The following GNAS variants were observed in gnomAD, a reference collection of about 807,000 sequenced individuals.
The protein encoded by GNAS is protein ALEX.
Under a neutral mutation model 54.5 loss-of-function variants are expected in GNAS, and 8 were observed. The ratio of observed to expected loss-of-function variants is 0.15; its 90% confidence interval spans 0.09 to 0.26. The LOEUF is 0.26. GNAS is among the 10% of genes least tolerant of loss of function. The probability of loss-of-function intolerance (pLI) is 1.00; values close to 1 mark genes in which losing one functional copy is unlikely to be tolerated. For synonymous variants in GNAS, 204 were observed against 191.4 expected (o/e 1.07, Z -0.54); for missense variants, 170 against 529.8 (o/e 0.32, Z 6.67).
At chr20:58,901,110 G>A (rs937583899) in intron 3 of GNAS, among the ~76,000 whole-genome samples, 1 of 152,132 alleles carries the variant, frequency 6.6e-6, no homozygotes, top group Non-Finnish European at 1.5e-5. Context: ...TACTATTGTG[G>A]AACCTCAAAA....
At chr20:58,876,268 C>T (rs958125088) in intron 1 of GNAS, among the ~76,000 whole-genome samples, 2 of 152,142 alleles carry the variant, frequency 1.3e-5, no homozygotes, top group African/African-American at 2.4e-5. Context: ...TCCTAACACT[C>T]GAGTTTCCTT....
Position 58,891,523 on chromosome 20 carries a change from T to G in GNAS, c.-204T>G, listed in dbSNP as rs3207520. On this transcript the variant is annotated 5_prime_UTR_variant, in exon 1 of 13. Transcript: ENST00000371085. ...GCGGGGAGCTGCGCGCGCCCCTCGG[T>G]CCGACCGACACCCTCCCCTTCCCGC... The G allele has an allele frequency of 1.0e-6, 1 of 974,166 alleles. No individual in the cohort carries two copies. Among genetic ancestry groups the G allele is most frequent in the Non-Finnish European group, 1.2e-6 (1 of 824,112 alleles). 60.3% of individuals were successfully genotyped at this position (974,166 alleles called of 1,614,324 possible). A position where few individuals can be genotyped will look rare whatever the true frequency, so the allele number is the denominator to read the frequency against.
In GNAS at chr20:58,853,208, G is replaced by A. The variant is rs544182317; in HGVS notation, c.43+12322G>A. 24 of 1,479,908 alleles carry A rather than the reference G, an allele frequency of 1.6e-5. No individual in the cohort carries two copies. The Middle Eastern group carries it at 1.1e-3, about 65-fold the overall frequency. 91.7% of individuals were successfully genotyped at this position (1,479,908 alleles called of 1,614,324 possible). ...AATAATAATTTTTTCACCCTAGTTC[G>A]GTTGGGTGCTCCATCTTACGGAGCC... On this transcript the variant is annotated intron_variant, in intron 1 of 12. Transcript: ENST00000306090. This position sits in a 1 kb window ranked among gnomAD's most constrained non-coding sequence, Gnocchi z 4.4.
At chr20:58,892,043 C>T in intron 1 of GNAS, 178 bp downstream of exon 1, 1 of 896,220 alleles carries the variant, frequency 1.1e-6, no homozygotes, top group Non-Finnish European at 1.3e-6. Context: ...GCGGATTCGG[C>T]CGGGCGGGGG....
chr20:58,908,493 G>C (rs774500725), intron 6 of GNAS, among the ~76,000 whole-genome samples: 2 of 151,880 alleles, frequency 1.3e-5, no homozygotes, highest in Admixed American at 6.6e-5. Flanking sequence ...AAAGTAAAAA[G>C]GAAGGGATAC....
At position 58,910,632 on chromosome 20, in the gene GNAS, G is replaced by C. The variant is rs753670057; in HGVS notation, c.1039-51G>C. The C allele has an allele frequency of 2.0e-5, 32 of 1,608,734 alleles. No homozygotes were observed. Among genetic ancestry groups the C allele is most frequent in the Middle Eastern group, 3.3e-4 (2 of 6,014 alleles). On this transcript the variant is annotated intron_variant, in intron 12 of 12. Transcript: ENST00000371085. This position sits in a 1 kb window ranked among gnomAD's most constrained non-coding sequence, Gnocchi z 5.8. The stretch of plus-strand genomic sequence containing the variant: ...GGTAGGTGTCCCCATCAGGGATAGG[G>C]TGGTTCCTGGCGAGGGTGTCACTGA...
intron 1 of GNAS, among the ~76,000 whole-genome samples, chr20:58,864,928 G>GACACACACAC (rs144642876): frequency 0.013 from 1,812 of 138,888 alleles, 11 homozygotes; most frequent in South Asian, 0.028. Context: ...CTACCTACCA[G>GACACACACAC]ACACACACAC....
intron 1 of GNAS, chr20:58,855,056 T>TCGC (rs1490315574): frequency 6.2e-7 from 1 of 1,612,902 alleles, no homozygotes; most frequent in African/African-American, 1.3e-5. Flanking sequence ...ATCGGCGAAA[T>TCGC]CGCCGCCGCC....
chr20:58,868,022 C>CTTTTTTT (rs370255144), intron 1 of GNAS, among the ~76,000 whole-genome samples: 1 of 132,616 alleles, frequency 7.5e-6, no homozygotes, highest in African/African-American at 2.9e-5. Context: ...TTCTTTCTTT[C>CTTTTTTT]TTTTTTTTTT....
chr20:58,892,365 A>C, intron 1 of GNAS: 2 of 103,914 alleles, frequency 1.9e-5, no homozygotes, highest in Non-Finnish European at 3.6e-5. Context: ...AGGGGAAGAA[A>C]GGGGCGAGGA....
At chr20:58,885,695 T>C (rs1342720701) in intron 1 of GNAS, among the ~76,000 whole-genome samples, 1 of 152,226 alleles carries the variant, frequency 6.6e-6, no homozygotes, top group Non-Finnish European at 1.5e-5. Context: ...AGAGCCTTCT[T>C]ACAAGGATTA....
Position 58,841,573 on chromosome 20 carries a change from C to T in GNAS, c.43+687C>T. ...GGCCGCCACAGCCCGCCTCCCGTCG[C>T]TCGCGGGACAGAGACCGCCTCAAAG... is the stretch of plus-strand genomic sequence containing the variant. On this transcript the variant is annotated intron_variant, in intron 1 of 12. Coordinates refer to the GNAS transcript ENST00000306090. The surrounding 1 kb of genome is among the most constrained non-coding windows in gnomAD (Gnocchi z 5.0). 1.0e-6 allele frequency: 1 copy of T among 1,004,510 alleles called. No individual in the cohort carries two copies. The highest frequency in any genetic ancestry group is 1.2e-6 in the Non-Finnish European group (1 of 843,104). 62.2% of individuals were successfully genotyped at this position (1,004,510 alleles called of 1,614,324 possible).
intron 1 of GNAS, 167 bp downstream of exon 1, chr20:58,892,032 C>T (rs1432419561): frequency 2.4e-6 from 2 of 838,564 alleles, no homozygotes; most frequent in East Asian, 1.3e-4. Flanking sequence ...GACCCAGGGG[C>T]GCGGATTCGG....
Position 58,873,311 on chromosome 20 carries a change from G to A in GNAS, c.44-22301G>A, listed in dbSNP as rs540228714. On this transcript the variant is annotated intron_variant, in intron 1 of 12. Coordinates refer to the GNAS transcript ENST00000306090. This position sits in a 1 kb window ranked among gnomAD's most constrained non-coding sequence, Gnocchi z 4.3. The stretch of plus-strand genomic sequence containing the variant: ...AAATGTTGTTGGGAAATGTTTAGTG[G>A]AAATTTAGCATAAAATGACATGCCT... Among the ~76,000 whole-genome samples the A allele has an allele frequency of 1.2e-4, 19 of 152,216 alleles. No individual in the cohort carries two copies. Among genetic ancestry groups the A allele is most frequent in the South Asian group, 8.3e-4 (4 of 4,794 alleles).
intron 3 of GNAS, chr20:58,900,150 A>G: frequency 1.7e-6 from 1 of 585,470 alleles, no homozygotes; most frequent in Non-Finnish European, 3.0e-6. Context: ...GAAATCCTTA[A>G]TTGGCAGAAA....
chr20:58,869,506 T>C (rs75917753), intron 1 of GNAS, among the ~76,000 whole-genome samples: 2,513 of 152,068 alleles, frequency 0.017, 70 homozygotes, highest in African/African-American at 0.057. Flanking sequence ...AGAAAAGAGG[T>C]TCATAGGTGA....
intron 2 of GNAS, chr20:58,898,618 T>C (rs1324470458): frequency 2.2e-6 from 1 of 451,848 alleles, no homozygotes. Context: ...AATCACTGCT[T>C]TAGCTCCCTA....
At chr20:58,892,327 G>C (rs1278540819) in intron 1 of GNAS, 1 of 238,942 alleles carries the variant, frequency 4.2e-6, no homozygotes, top group East Asian at 1.9e-4. Flanking sequence ...GCCTCCGTGG[G>C]GTGTGAGATT....
At chr20:58,888,971 C>T (rs1600927251), upstream of GNAS, 2 of 651,102 alleles carry the variant, frequency 3.1e-6, no homozygotes, top group South Asian at 6.6e-5. Flanking sequence ...GCCATCGCGG[C>T]CCCCGCGCCC....
Sources: gnomAD v4.1 joint callset for allele counts (sites outside exome capture counted in the v4.1 genomes callset) on GRCh38, gnomAD v4.1.1 for gene constraint, Gnocchi (gnomAD v3.1) non-coding constraint, MANE v1.5 for transcripts, NCBI Gene and HGNC (gene_info 2026-07-23, HGNC 2026-07-21) for gene names.